The following STK10 variants were observed in gnomAD, a reference collection of about 807,000 sequenced individuals.
The protein encoded by STK10 is serine/threonine kinase 10.
A neutral mutation model predicts 113.8 loss-of-function variants in STK10; 78 were observed. The observed-to-expected ratio is 0.69, with a 90% CI of 0.57 to 0.83. The LOEUF is 0.83. STK10 is among the 40% of genes least tolerant of loss of function. The probability of loss-of-function intolerance (pLI) is 0.00; values close to 1 mark genes in which losing one functional copy is unlikely to be tolerated. For missense variants in STK10, 1,109 were observed against 1,280.1 expected, an observed-to-expected ratio of 0.87 and a Z score of 2.04; for synonymous variants, 465 against 494.7, an observed-to-expected ratio of 0.94 and a Z score of 0.80.
chr5:172,089,716 GGTGA>G (rs1206663523), intron 10 of STK10, among the ~76,000 whole-genome samples: 3 of 152,160 alleles, frequency 2.0e-5, no homozygotes, highest in South Asian at 2.1e-4. Flanking sequence ...ATAGATGGAA[GGTGA>G]GTGAGTGGGT....
At chr5:172,060,441 C>G (rs2113701260) in intron 14 of STK10, among the ~76,000 whole-genome samples, 1 of 152,032 alleles carries the variant, frequency 6.6e-6, no homozygotes, top group African/African-American at 2.4e-5. Flanking sequence ...TCCCCAAAAC[C>G]CAAAAAACCA....
chr5:172,137,839 CCGAGATCACACCA>C (rs1405126623), intron 2 of STK10, among the ~76,000 whole-genome samples: 1 of 148,142 alleles, frequency 6.8e-6, no homozygotes, highest in African/African-American at 2.5e-5. Context: ...TTGCAGTGAG[CCGAGATCACACCA>C]CAGTACTCCA....
intron 12 of STK10, 32 bp from the exon 13 acceptor site, chr5:172,064,844 C>G (rs200784771): frequency 7.5e-6 from 12 of 1,610,628 alleles, no homozygotes; most frequent in Non-Finnish European, 8.5e-7. Context: ...GTAGCTGGGT[C>G]AGGGTCCTCT....
At position 172,049,686 on chromosome 5, in the gene STK10, G is replaced by C. The variant is rs145946915; in HGVS notation, c.2766+3243C>G. On this transcript the variant is annotated intron_variant, in intron 18 of 18. Coordinates refer to ENST00000176763, the MANE Select transcript of STK10 (RefSeq NM_005990.4). The stretch of plus-strand genomic sequence containing the variant: ...TTGCTTTTTCATTGTTTTGATATTG[G>C]TGCTAATGGTACAAAAGCAATGATG... 3.3e-3 allele frequency among the ~76,000 whole-genome samples: 505 copies of C among 152,296 alleles called. 1 individual carries two copies. The highest frequency in any genetic ancestry group is 0.011 in the African/African-American group (445 of 41,548).
chr5:172,175,327 T>C (rs1318094532), intron 1 of STK10, among the ~76,000 whole-genome samples: 1 of 151,846 alleles, frequency 6.6e-6, no homozygotes, highest in Non-Finnish European at 1.5e-5. Context: ...AAAAAATGCA[T>C]CACAGGGGAA....
At chr5:172,176,952 T>C (rs1457993989) in intron 1 of STK10, among the ~76,000 whole-genome samples, 1 of 152,148 alleles carries the variant, frequency 6.6e-6, no homozygotes, top group Admixed American at 6.5e-5. Flanking sequence ...GGCGAGTGGA[T>C]CACTTGAAGC....
chr5:172,123,416 T>G (rs901913295), intron 3 of STK10, among the ~76,000 whole-genome samples: 10 of 151,984 alleles, frequency 6.6e-5, no homozygotes, highest in African/African-American at 2.4e-4. Flanking sequence ...CAGAGAAGGG[T>G]TTGTCTGCTG....
intron 2 of STK10, among the ~76,000 whole-genome samples, chr5:172,136,597 A>AAAATAAATAAAT (rs58897747): frequency 0.016 from 2,494 of 151,224 alleles, 35 homozygotes; most frequent in Non-Finnish European, 0.027. Flanking sequence ...ACTCCGTCTC[A>AAAATAAATAAAT]AAATAAATAA....
rs1265005822 is a variant in STK10 at position 172,044,240 on chromosome 5, GA to G, written c.*641del. On this transcript the variant is annotated 3_prime_UTR_variant, in exon 19 of 19. Transcript: ENST00000176763. The surrounding 1 kb of genome is among the most constrained non-coding windows in gnomAD (Gnocchi z 4.5). ...CAGGAAGGGGGACGCGAGATGGCAT[GA>G]AACACGGGAGAAGCAGAATAAACAT... 6.4e-6 allele frequency: 1 copy of G among 155,046 alleles called. No homozygotes were observed. Among genetic ancestry groups the G allele is most frequent in the African/African-American group, 2.4e-5 (1 of 41,480 alleles). The allele number at this position is 155,046 out of a possible 1,614,324, so 9.6% of individuals were successfully genotyped here.
intron 1 of STK10, among the ~76,000 whole-genome samples, chr5:172,164,544 T>C (rs1268480065): frequency 2.0e-5 from 3 of 152,200 alleles, no homozygotes; most frequent in Non-Finnish European, 4.4e-5. Flanking sequence ...GATTAGGAAT[T>C]GAATTCCGGC....
At chr5:172,155,108 G>A (rs977419690) in intron 2 of STK10, among the ~76,000 whole-genome samples, 4 of 150,494 alleles carry the variant, frequency 2.7e-5, no homozygotes, top group African/African-American at 9.8e-5. Context: ...ACAGAAAGTG[G>A]GTGGCTGGGT....
At chr5:172,178,341 C>T (rs1770792298) in intron 1 of STK10, among the ~76,000 whole-genome samples, 1 of 152,202 alleles carries the variant, frequency 6.6e-6, no homozygotes, top group Non-Finnish European at 1.5e-5. Flanking sequence ...GCCGGCCTCT[C>T]TCCTGGCCTG....
intron 1 of STK10, among the ~76,000 whole-genome samples, chr5:172,178,248 C>T (rs1770790471): frequency 6.6e-6 from 1 of 152,176 alleles, no homozygotes. Flanking sequence ...GGGGGCCACA[C>T]CGTGTGGCCC....
chr5:172,152,220 A>T (rs1770248653), intron 2 of STK10, among the ~76,000 whole-genome samples: 5 of 152,232 alleles, frequency 3.3e-5, no homozygotes, highest in Non-Finnish European at 1.5e-5. Flanking sequence ...CCGTGAGGCC[A>T]GAGGCCTTCC....
intron 4 of STK10, among the ~76,000 whole-genome samples, chr5:172,109,204 A>G (rs182435730): frequency 5.3e-4 from 81 of 152,260 alleles, no homozygotes; most frequent in African/African-American, 1.7e-3. Context: ...AAAAATACAC[A>G]CTGAACTGAC....
At chr5:172,069,254 TA>T (rs1331789774) in intron 12 of STK10, among the ~76,000 whole-genome samples, 5 of 151,684 alleles carry the variant, frequency 3.3e-5, no homozygotes, top group African/African-American at 9.7e-5. Context: ...CAGATGGGAT[TA>T]AAAAAAATGA....
At chr5:172,087,623 A>ATTTATTTTTT (rs1462186039) in intron 10 of STK10, among the ~76,000 whole-genome samples, 1 of 85,188 alleles carries the variant, frequency 1.2e-5, no homozygotes, top group African/African-American at 5.8e-5. Context: ...TTACTTATTT[A>ATTTATTTTTT]TTTTTTTTTT....
intron 1 of STK10, among the ~76,000 whole-genome samples, chr5:172,162,568 CCT>C (rs947944964): frequency 6.6e-6 from 1 of 152,160 alleles, no homozygotes; most frequent in Non-Finnish European, 1.5e-5. Flanking sequence ...TGCACACATT[CCT>C]CTTTCTCTTC....
chr5:172,167,443 G>A (rs1365523317), intron 1 of STK10, among the ~76,000 whole-genome samples: 8 of 152,110 alleles, frequency 5.3e-5, no homozygotes, highest in Non-Finnish European at 1.2e-4. Context: ...GGACAGGGAC[G>A]AGCTAAAACA....
Sources: gnomAD v4.1 joint callset for allele counts (sites outside exome capture counted in the v4.1 genomes callset) on GRCh38, gnomAD v4.1.1 for gene constraint, Gnocchi (gnomAD v3.1) non-coding constraint, MANE v1.5 for transcripts, NCBI Gene and HGNC (gene_info 2026-07-23, HGNC 2026-07-21) for gene names.